The following TMEM87A variants were observed in gnomAD, a reference collection of about 807,000 sequenced individuals.
TMEM87A encodes the protein transmembrane protein 87A.
A neutral mutation model predicts 90.0 loss-of-function variants in TMEM87A; 50 were observed. The observed-to-expected ratio is 0.56, with a 90% confidence interval of 0.44 to 0.70. The LOEUF (loss-of-function observed/expected upper bound fraction) is 0.70, where lower values mean the gene tolerates loss of function less well. Among genes scored for constraint, TMEM87A ranks in the 30% least tolerant of loss-of-function variants. The probability of loss-of-function intolerance (pLI) is 0.00; values close to 1 mark genes in which losing one functional copy is unlikely to be tolerated. For synonymous variants in TMEM87A, 226 were observed against 226.7 expected (o/e 1.00, Z 0.03); for missense variants, 577 against 660.5 (o/e 0.87, Z 1.39).
intron 6 of TMEM87A, among the ~76,000 whole-genome samples, chr15:42,246,619 G>T (rs1362043058): frequency 6.6e-6 from 1 of 152,192 alleles, no homozygotes; most frequent in Non-Finnish European, 1.5e-5. Context: ...CAAAGGACAT[G>T]AACTCATCCT....
chr15:42,249,792 C>T (rs1010801029), intron 6 of TMEM87A, among the ~76,000 whole-genome samples: 2 of 152,198 alleles, frequency 1.3e-5, no homozygotes, highest in African/African-American at 4.8e-5. Context: ...GTTAGGTCTG[C>T]TCGGTGCAGA....
intron 3 of TMEM87A, among the ~76,000 whole-genome samples, chr15:42,267,329 A>C (rs1409563042): frequency 6.6e-6 from 1 of 152,252 alleles, no homozygotes; most frequent in African/African-American, 2.4e-5. Flanking sequence ...TTAATATTTC[A>C]GATTCCACAT....
At chr15:42,256,223 C>T (rs1331054365) in intron 6 of TMEM87A, among the ~76,000 whole-genome samples, 3 of 152,162 alleles carry the variant, frequency 2.0e-5, no homozygotes, top group East Asian at 1.9e-4. Context: ...TCACTACAAC[C>T]TCTGCTTCTT....
In TMEM87A at chr15:42,233,318, G is replaced by A; in HGVS notation, c.969-12C>T. The stretch of plus-strand genomic sequence containing the variant: ...CTCCAAGGCGTGGCCTAAAGAGGAA[G>A]CAAGGAGATATTTGAGTACATATGG... On this transcript the variant is annotated splice_polypyrimidine_tract_variant and intron_variant, in intron 10 of 19. Coordinates refer to ENST00000389834, the MANE Select transcript of TMEM87A (RefSeq NM_015497.5). 1 of 1,607,300 alleles carries A rather than the reference G, an allele frequency of 6.2e-7. No individual in the cohort carries two copies. The highest frequency in any genetic ancestry group is 8.5e-7 in the Non-Finnish European group (1 of 1,174,688).
At chr15:42,236,442 T>C (rs376174599) in intron 9 of TMEM87A, 23 bp from the exon 10 acceptor site, 1 of 1,607,494 alleles carries the variant, frequency 6.2e-7, no homozygotes, top group African/African-American at 1.3e-5. Context: ...AGGGAAGAAA[T>C]GGCACCATAA....
chr15:42,231,833 T>G (rs2050690245), intron 11 of TMEM87A: 2 of 1,245,624 alleles, frequency 1.6e-6, no homozygotes, highest in African/African-American at 3.1e-5. Flanking sequence ...CAGGCATTAC[T>G]GAAAGGATAT....
At chr15:42,266,383 G>A (rs1399682378) in intron 3 of TMEM87A, among the ~76,000 whole-genome samples, 1 of 152,042 alleles carries the variant, frequency 6.6e-6, no homozygotes, top group Admixed American at 6.6e-5. Context: ...GGGTGTGGTG[G>A]CAGACACCTG....
intron 6 of TMEM87A, among the ~76,000 whole-genome samples, chr15:42,254,478 G>T (rs560300596): frequency 5.7e-4 from 87 of 152,138 alleles, no homozygotes; most frequent in Non-Finnish European, 8.5e-4. Context: ...ATAGATGAAT[G>T]GATAAACTGT....
intron 8 of TMEM87A, among the ~76,000 whole-genome samples, chr15:42,238,623 C>G (rs2050817406): frequency 2.6e-5 from 4 of 151,946 alleles, no homozygotes; most frequent in Non-Finnish European, 4.4e-5. Context: ...GTGGCACACG[C>G]CTGTTGTCCT....
chr15:42,232,694 G>A (rs545504254), intron 11 of TMEM87A, among the ~76,000 whole-genome samples: 13 of 151,986 alleles, frequency 8.6e-5, no homozygotes, highest in Admixed American at 7.2e-4. Flanking sequence ...ATGTTAGCCA[G>A]GATGGTCTTG....
chr15:42,240,792 T>A (rs1161327022), intron 7 of TMEM87A, among the ~76,000 whole-genome samples: 1 of 152,118 alleles, frequency 6.6e-6, no homozygotes, highest in Non-Finnish European at 1.5e-5. Context: ...GTAAACTACA[T>A]CCAATACTTA....
At chr15:42,223,871 G>GA (rs1460127648) in intron 15 of TMEM87A, among the ~76,000 whole-genome samples, 2 of 152,054 alleles carry the variant, frequency 1.3e-5, no homozygotes, top group Non-Finnish European at 2.9e-5. Context: ...AAGGGAAGAA[G>GA]AAAAAACCTC....
chr15:42,241,045 T>C (rs1010198397), intron 7 of TMEM87A, among the ~76,000 whole-genome samples: 1 of 152,218 alleles, frequency 6.6e-6, no homozygotes, highest in African/African-American at 2.4e-5. Flanking sequence ...CATTTACATA[T>C]TGTCTACAGC....
intron 1 of TMEM87A, 98 bp from the exon 2 acceptor site, chr15:42,272,221 A>C (rs928487136): frequency 2.4e-6 from 2 of 819,138 alleles, no homozygotes; most frequent in Non-Finnish European, 3.9e-6. Context: ...ACTTAACTTA[A>C]ATCTTTATGG....
At chr15:42,251,533 G>A (rs1018259391) in intron 6 of TMEM87A, among the ~76,000 whole-genome samples, 6 of 152,158 alleles carry the variant, frequency 3.9e-5, no homozygotes, top group African/African-American at 1.4e-4. Flanking sequence ...TTTGCTGGAG[G>A]TCCACTCCAC....
chr15:42,249,259 G>A (rs1210037221), intron 6 of TMEM87A, among the ~76,000 whole-genome samples: 11 of 152,206 alleles, frequency 7.2e-5, no homozygotes, highest in Admixed American at 5.9e-4. Flanking sequence ...TCTCTTGAAG[G>A]GTTTTTTGTG....
rs2050367168 is a variant in TMEM87A, at chr15:42,215,504, G to T, written c.1626+2299C>A. ...TGGCATAGGACTGTATCTGATCAGG[G>T]TTAATATCCAAAATATATAAGAAAC... is the stretch of plus-strand genomic sequence containing the variant. On this transcript the variant is annotated intron_variant, in intron 19 of 19. Coordinates refer to ENST00000389834, the MANE Select transcript of TMEM87A (RefSeq NM_015497.5). Among the ~76,000 whole-genome samples, 3 of 152,104 alleles carry T rather than the reference G, an allele frequency of 2.0e-5. No homozygotes were observed. In the South Asian group the frequency reaches 6.2e-4, roughly 32 times the overall value.
At chr15:42,217,749 A>T in intron 19 of TMEM87A, 54 bp downstream of exon 19, 1 of 1,565,244 alleles carries the variant, frequency 6.4e-7, no homozygotes, top group South Asian at 1.1e-5. Context: ...ACGATTCATG[A>T]CTTTCTATTT....
At chr15:42,259,883 C>T (rs11858453) in intron 6 of TMEM87A, among the ~76,000 whole-genome samples, 143,285 of 152,276 alleles carry the variant, frequency 0.94, 67,961 homozygotes, top group Non-Finnish European at 1. Flanking sequence ...TCCAGTTACA[C>T]AAAATGTCCA....
Sources: gnomAD v4.1 joint callset for allele counts (sites outside exome capture counted in the v4.1 genomes callset) on GRCh38, gnomAD v4.1.1 for gene constraint, MANE v1.5 for transcripts, NCBI Gene and HGNC (gene_info 2026-07-23, HGNC 2026-07-21) for gene names.